The following AUTS2 variants were observed in gnomAD, a reference collection of about 807,000 sequenced individuals.
The protein encoded by AUTS2 is autism susceptibility gene 2 protein.
In AUTS2, 17 loss-of-function variants were observed where a neutral mutation model predicts 112.4. The observed-to-expected ratio is 0.15, with a 90% CI of 0.10 to 0.23. The LOEUF (loss-of-function observed/expected upper bound fraction) is 0.23. Ranked by LOEUF, AUTS2 falls within the 10% of genes least tolerant of loss-of-function variation. AUTS2 has a pLI of 1.00. For synonymous variants in AUTS2, 751 were observed against 702.7 expected (o/e 1.07, Z -1.09); for missense variants, 1,510 against 1,701.6 (o/e 0.89, Z 1.98).
chr7:70,592,356 T>C (rs1051609266), intron 5 of AUTS2, among the ~76,000 whole-genome samples: 3 of 151,990 alleles, frequency 2.0e-5, no homozygotes, highest in Non-Finnish European at 4.4e-5. Flanking sequence ...TTTGGTGTAT[T>C]TTATTTTATT....
Position 70,557,721 on chromosome 7 carries a change from G to A in AUTS2, c.690+121940G>A, listed in dbSNP as rs558127053. Among the ~76,000 whole-genome samples, 22 of 152,260 alleles carry A rather than the reference G, an allele frequency of 1.4e-4. No homozygotes were observed. The East Asian group carries it at 3.9e-3, about 27-fold the overall frequency. ...CCTCACAGATGTGTCCTCAAGTCCC[G>A]GAGGCTGCTGTATCACAGGAGTTGT... On this transcript the variant is annotated intron_variant, in intron 5 of 18. Coordinates refer to ENST00000342771, the MANE Select transcript of AUTS2 (RefSeq NM_015570.4).
chr7:70,587,591 CAAT>C (rs1302685877), intron 5 of AUTS2, among the ~76,000 whole-genome samples: 1 of 152,188 alleles, frequency 6.6e-6, no homozygotes, highest in Non-Finnish European at 1.5e-5. Flanking sequence ...ACAATAACAG[CAAT>C]AATAACCTTT....
intron 4 of AUTS2, among the ~76,000 whole-genome samples, chr7:70,401,589 C>A (rs1585103100): frequency 6.6e-6 from 1 of 152,200 alleles, no homozygotes; most frequent in East Asian, 1.9e-4. Context: ...ACAGATGAGA[C>A]CGTGGAGAGT....
At chr7:70,197,228 G>T (rs1171660101) in intron 4 of AUTS2, among the ~76,000 whole-genome samples, 1 of 151,846 alleles carries the variant, frequency 6.6e-6, no homozygotes, top group Admixed American at 6.6e-5. Context: ...TAAAATGAGG[G>T]AACTAGACTA....
At chr7:70,130,244 G>C (rs1425364294) in intron 3 of AUTS2, among the ~76,000 whole-genome samples, 3 of 152,198 alleles carry the variant, frequency 2.0e-5, no homozygotes, top group Non-Finnish European at 2.9e-5. Flanking sequence ...CATGTGTCCT[G>C]TCTGTACTCA....
intron 1 of AUTS2, among the ~76,000 whole-genome samples, chr7:69,780,453 G>A (rs1221938073): frequency 6.6e-6 from 1 of 152,190 alleles, no homozygotes; most frequent in Non-Finnish European, 1.5e-5. Context: ...TTGTGATAGG[G>A]CCATGCTCCA....
At chr7:70,441,172 T>G (rs1796109080) in intron 5 of AUTS2, among the ~76,000 whole-genome samples, 1 of 152,166 alleles carries the variant, frequency 6.6e-6, no homozygotes, top group Non-Finnish European at 1.5e-5. Context: ...CTCCTTTTCC[T>G]ATCAATCTTT....
In AUTS2 at chr7:70,409,511, G is replaced by A. The variant is rs150826782; in HGVS notation, c.661-26241G>A. Among the ~76,000 whole-genome samples, 123 of 152,304 alleles carry A rather than the reference G, an allele frequency of 8.1e-4. 2 individuals are homozygous for A. In the East Asian group the frequency reaches 0.021, roughly 26 times the overall value. On this transcript the variant is annotated intron_variant, in intron 4 of 18. Coordinates refer to ENST00000342771, the MANE Select transcript of AUTS2 (RefSeq NM_015570.4). ...TGTGTGTGCATGTGGGCTTGTACAT[G>A]TGTGTAGGTGTGCATTCCGACAGTG...
chr7:69,795,396 G>A (rs978259755), intron 1 of AUTS2, among the ~76,000 whole-genome samples: 2 of 152,140 alleles, frequency 1.3e-5, no homozygotes, highest in African/African-American at 2.4e-5. Context: ...GTTAACTCTT[G>A]TAGCCAGGCG....
intron 1 of AUTS2, among the ~76,000 whole-genome samples, chr7:69,644,724 G>A (rs977343178): frequency 3.9e-5 from 6 of 152,030 alleles, no homozygotes; most frequent in Non-Finnish European, 8.8e-5. Flanking sequence ...AAGACAATAT[G>A]ACTTAACTGT....
At chr7:69,862,739 A>G (rs1342529309) in intron 1 of AUTS2, among the ~76,000 whole-genome samples, 3 of 152,140 alleles carry the variant, frequency 2.0e-5, no homozygotes, top group Non-Finnish European at 2.9e-5. Flanking sequence ...GAGGCGAGCT[A>G]CAACCCATGT....
intron 4 of AUTS2, among the ~76,000 whole-genome samples, chr7:70,232,223 A>G (rs1010565348): frequency 1.3e-5 from 2 of 152,166 alleles, no homozygotes; most frequent in Admixed American, 1.3e-4. Flanking sequence ...TAATTGTTGT[A>G]TAATACTTTA....
intron 5 of AUTS2, among the ~76,000 whole-genome samples, chr7:70,500,321 GA>G (rs2116617626): frequency 6.6e-6 from 1 of 152,276 alleles, no homozygotes; most frequent in Non-Finnish European, 1.5e-5. Context: ...AAGTTGCTCT[GA>G]AATGAACCAG....
chr7:70,734,048 G>A (rs1787622298), intron 6 of AUTS2, among the ~76,000 whole-genome samples: 1 of 152,080 alleles, frequency 6.6e-6, no homozygotes, highest in African/African-American at 2.4e-5. Context: ...GGCAACATGG[G>A]ACAGAGCTGA....
intron 5 of AUTS2, among the ~76,000 whole-genome samples, chr7:70,576,949 A>T (rs1349626851): frequency 1.3e-5 from 2 of 152,114 alleles, no homozygotes; most frequent in African/African-American, 4.8e-5. Context: ...ACTCCAGAGG[A>T]TCTGGAGTAA....
rs114347602 is a variant in AUTS2 at position 69,945,206 on chromosome 7, T to A, written c.522+45708T>A. ...AGATGCAGCCATCACCACAAGCAAT[T>A]TTAGAACATTTTATCACCCATGAAA... On this transcript the variant is annotated intron_variant, in intron 2 of 18. Transcript: ENST00000342771. 2.9e-3 allele frequency among the ~76,000 whole-genome samples: 443 copies of A among 152,258 alleles called. 5 individuals are homozygous for A. Among genetic ancestry groups the A allele is most frequent in the African/African-American group, 0.01 (429 of 41,540 alleles).
At chr7:70,671,824 C>T (rs1340617731) in intron 5 of AUTS2, among the ~76,000 whole-genome samples, 1 of 152,208 alleles carries the variant, frequency 6.6e-6, no homozygotes, top group Non-Finnish European at 1.5e-5. Context: ...TGGCGCAGAG[C>T]TCTGTCCTTG....
At chr7:70,031,164 A>G (rs1800761642) in intron 2 of AUTS2, among the ~76,000 whole-genome samples, 1 of 152,124 alleles carries the variant, frequency 6.6e-6, no homozygotes, top group African/African-American at 2.4e-5. Flanking sequence ...TTGTGAGGGC[A>G]TTTGTGAGGG....
chr7:70,274,534 G>T (rs1294716535), intron 4 of AUTS2, among the ~76,000 whole-genome samples: 2 of 152,042 alleles, frequency 1.3e-5, no homozygotes, highest in African/African-American at 4.8e-5. Flanking sequence ...CAAGCAATCT[G>T]CCTGCCTCAG....
Sources: allele counts gnomAD v4.1 joint callset (sites outside exome capture counted in the v4.1 genomes callset), GRCh38; gene constraint gnomAD v4.1.1; transcripts MANE v1.5; gene names NCBI Gene and HGNC (gene_info 2026-07-23, HGNC 2026-07-21).